CATSPER1: variants seen among roughly 807,000 people sequenced by gnomAD.
The protein encoded by CATSPER1 is cation channel sperm-associated protein 1.
Under a neutral mutation model 72.7 loss-of-function variants are expected in CATSPER1, and 57 were observed. That is an observed-to-expected ratio of 0.78 (90% CI 0.63 to 0.98). CATSPER1 has a LOEUF of 0.98. Ranked by LOEUF, CATSPER1 falls within the 50% of genes least tolerant of loss-of-function variation. The pLI, the probability that CATSPER1 is intolerant of heterozygous loss-of-function variation, is 0.00. For synonymous variants in CATSPER1, 363 were observed against 403.0 expected (o/e 0.90, Z 1.19); for missense variants, 910 against 1,033.9 (o/e 0.88, Z 1.64).
chr11:66,021,568 C>T lies in CATSPER1; in HGVS notation c.1619G>A (p.Ser540Asn), dbSNP rs1401256771. Residue 540 changes from serine (S) to asparagine (N), a missense_variant, in exon 4 of 12, where the codon AGC becomes AAC. By Grantham distance (46) the Ser-to-Asn change is conservative. Transcript: ENST00000312106. Reference protein sequence around the residue: ...QTHSFAIYHQSLFRILKVFKS... With the variant: ...QTHSFAIYHQNLFRILKVFKS... The stretch of plus-strand genomic sequence containing the variant: ...GAAGACCTTGAGGATCCGGAAGAGG[C>T]TTTGGTGGTAGATGGCGAAGGAGTG... 1.2e-6 allele frequency: 2 copies of T among 1,613,678 alleles called. No individual in the cohort carries two copies. The highest frequency in any genetic ancestry group is 8.5e-7 in the Non-Finnish European group (1 of 1,179,854).
At position 66,021,515 on chromosome 11, in the gene CATSPER1, G is replaced by T. The variant is rs200714710; in HGVS notation, c.1672C>A (p.Arg558=). The T allele has an allele frequency of 6.2e-7, 1 of 1,613,598 alleles. No homozygotes were observed. Among genetic ancestry groups the T allele is most frequent in the Non-Finnish European group, 8.5e-7 (1 of 1,179,994 alleles). The change falls in exon 4 of 12, where the codon CGG becomes AGG. Residue 558 remains arginine (R), a synonymous_variant. Transcript: ENST00000312106. ...FKSLRALRAI[R]VLRRLSFLTS... ...ACTGACCTGAGCCTCCGCAGGACCC[G>T]GATTGCCCTCAGGGCCCGCAGGCTC...
chr11:66,019,879 C>T (rs534997797), intron 9 of CATSPER1, among the ~76,000 whole-genome samples: 15 of 146,904 alleles, frequency 1.0e-4, no homozygotes, highest in African/African-American at 2.8e-4. Flanking sequence ...ATTGCAGCAC[C>T]GCACTCCAGC....
chr11:66,024,430 A>G (rs1395011556), intron 1 of CATSPER1, among the ~76,000 whole-genome samples: 1 of 150,994 alleles, frequency 6.6e-6, no homozygotes, highest in East Asian at 2.0e-4. Flanking sequence ...GGGGTGCACC[A>G]CCACGCCCAG....
In CATSPER1 at chr11:66,021,171, A is replaced by G. The variant is rs763320317; in HGVS notation, c.1706T>C (p.Val569Ala). ...GCCCAGGGTCCCTGTCACTTCCTGGACGCTGGTCAGGAAGCTGTGGGCAGA... is the reference window on the plus strand; with the variant it reads ...GCCCAGGGTCCCTGTCACTTCCTGGGCGCTGGTCAGGAAGCTGTGGGCAGA... ...VLRRLSFLTS[V>A]QEVTGTLGQS... Residue 569 changes from valine (V) to alanine (A), a missense_variant, in exon 5 of 12, where the codon GTC (valine) becomes GCC (alanine). Physicochemically the swap from Val to Ala is moderately conservative, Grantham distance 64 (BLOSUM62 0). Transcript: ENST00000312106. 1 of 1,612,888 alleles carries G rather than the reference A, an allele frequency of 6.2e-7. No homozygotes were observed. Among genetic ancestry groups the G allele is most frequent in the African/African-American group, 1.3e-5 (1 of 74,906 alleles).
In CATSPER1 at chr11:66,020,374, G is replaced by T; in HGVS notation, c.2007C>A (p.Val669=). Reference sequence around the variant, plus strand: ...GCGCCGTCTGGAAGCTATCCACCAGGACAGTAATCACCAGGCTGGGGAGAG... The same window carrying T: ...GCGCCGTCTGGAAGCTATCCACCAGTACAGTAATCACCAGGCTGGGGAGAG... ...YFIFLNLVIT[V]LVDSFQTALF... is the part of the protein sequence containing the mutation. The change falls in exon 8 of 12, where the codon GTC becomes GTA. Residue 669 remains valine, a synonymous_variant. Transcript: ENST00000312106. The surrounding 1 kb of genome is among the most constrained non-coding windows in gnomAD (Gnocchi z 4.5). The T allele has an allele frequency of 6.2e-7, 1 of 1,614,082 alleles. No individual in the cohort carries two copies. Among genetic ancestry groups the T allele is most frequent in the South Asian group, 1.1e-5 (1 of 91,088 alleles).
At chr11:66,018,639 C>T (rs1856287195) in intron 10 of CATSPER1, 188 bp downstream of exon 10, 1 of 628,306 alleles carries the variant, frequency 1.6e-6, no homozygotes, top group Non-Finnish European at 2.8e-6. Context: ...AGCCAGGTGG[C>T]ACACACACCT....
Position 66,020,576 on chromosome 11 carries a change from A to T in CATSPER1, c.1979T>A (p.Phe660Tyr), listed in dbSNP as rs1856340164. 1 of 1,611,960 alleles carries T rather than the reference A, an allele frequency of 6.2e-7. No homozygotes were observed. Among genetic ancestry groups the T allele is most frequent in the African/African-American group, 1.3e-5 (1 of 74,868 alleles). Reference sequence around the variant, plus strand: ...GGTGAGTCCTCACTTGAGGAAGATGAAGTACTGGATGATGATGTAAATTAC... The same window carrying T: ...GGTGAGTCCTCACTTGAGGAAGATGTAGTACTGGATGATGATGTAAATTAC... ...ILVIYIIIQY[F>Y]IFLNLVITVL... is the part of the protein sequence containing the mutation. The change falls in exon 7 of 12, where the codon TTC (phenylalanine) becomes TAC (tyrosine). Residue 660 changes from phenylalanine to tyrosine, a missense_variant. By Grantham distance (22) the Phe-to-Tyr change is conservative. Coordinates refer to ENST00000312106, the MANE Select transcript of CATSPER1 (RefSeq NM_053054.4). The surrounding 1 kb of genome is among the most constrained non-coding windows in gnomAD (Gnocchi z 4.5).
At position 66,020,617 on chromosome 11, in the gene CATSPER1, G is replaced by A. The variant is rs1856341184; in HGVS notation, c.1938C>T (p.Tyr646=). The change falls in exon 7 of 12, where the codon TAC becomes TAT. Residue 646 remains tyrosine (Y), a synonymous_variant. Coordinates refer to ENST00000312106, the MANE Select transcript of CATSPER1 (RefSeq NM_053054.4). The surrounding 1 kb of genome is among the most constrained non-coding windows in gnomAD (Gnocchi z 4.5). ...YMDSRAQGAW[Y]IIPILVIYII... Reference sequence around the variant, plus strand: ...TGTAAATTACGAGGATGGGAATGATGTACCAGGCGCCTAGGGGGAGCAGGC... The same window carrying A: ...TGTAAATTACGAGGATGGGAATGATATACCAGGCGCCTAGGGGGAGCAGGC... 6.2e-7 allele frequency: 1 copy of A among 1,612,356 alleles called. No homozygotes were observed. The highest frequency in any genetic ancestry group is 8.5e-7 in the Non-Finnish European group (1 of 1,179,442).
At chr11:66,021,741 G>T (rs779562251) in intron 3 of CATSPER1, 25 bp downstream of exon 3, 2 of 1,611,530 alleles carry the variant, frequency 1.2e-6, no homozygotes, top group African/African-American at 2.7e-5. Context: ...CTAAACACAC[G>T]CAGCCTGGCC....
chr11:66,022,846 T>TA lies in CATSPER1; in HGVS notation c.1429+2dup, dbSNP rs948827140. On this transcript the variant is annotated splice_region_variant and intron_variant, in intron 2 of 11. Coordinates refer to ENST00000312106, the MANE Select transcript of CATSPER1 (RefSeq NM_053054.4). Reference sequence around the variant, plus strand: ...CATGGGAACAGGACTCCCTGGCTCTTACCGCCCCGGATCTCGACTTCAGCG... The same window carrying TA: ...CATGGGAACAGGACTCCCTGGCTCTTAACCGCCCCGGATCTCGACTTCAGCG... 1.4e-5 allele frequency: 22 copies of TA among 1,614,178 alleles called. No homozygotes were observed. The Admixed American group carries it at 2.8e-4, about 21-fold the overall frequency.
Position 66,020,614 on chromosome 11 carries a change from G to T in CATSPER1, c.1941C>A (p.Ile647=). ...MDSRAQGAWY[I]IPILVIYIII... ...TGATGTAAATTACGAGGATGGGAAT[G>T]ATGTACCAGGCGCCTAGGGGGAGCA... Residue 647 remains isoleucine (I), a synonymous_variant, in exon 7 of 12, where the codon ATC becomes ATA. Transcript: ENST00000312106. This position sits in a 1 kb window ranked among gnomAD's most constrained non-coding sequence, Gnocchi z 4.5. The T allele has an allele frequency of 6.2e-7, 1 of 1,612,412 alleles. No individual in the cohort carries two copies. Among genetic ancestry groups the T allele is most frequent in the Non-Finnish European group, 8.5e-7 (1 of 1,179,470 alleles).
In CATSPER1 at chr11:66,021,097, G is replaced by A. The variant is rs1350907050; in HGVS notation, c.1780C>T (p.Leu594Phe). ...AGCCCCTGCAGCACCAGGATACAGAGGCAGGTAAACATGAGGATGAGGATG... is the reference window on the plus strand; with the variant it reads ...AGCCCCTGCAGCACCAGGATACAGAAGCAGGTAAACATGAGGATGAGGATG... ...AAILILMFTCLFLFSAVLRAL... is the reference protein window; with the variant it reads ...AAILILMFTCFFLFSAVLRAL... The change falls in exon 5 of 12, where the codon CTC becomes TTC. Residue 594 changes from leucine to phenylalanine, a missense_variant. Physicochemically the swap from Leu to Phe is conservative, Grantham distance 22. Transcript: ENST00000312106. 6.2e-7 allele frequency: 1 copy of A among 1,612,432 alleles called. No individual in the cohort carries two copies. The highest frequency in any genetic ancestry group is 1.1e-5 in the South Asian group (1 of 90,752).
At position 66,025,627 on chromosome 11, in the gene CATSPER1, G is replaced by A. The variant is rs1181039238; in HGVS notation, c.753C>T (p.Ser251=). ...PHHGETISPH[S]SVGSYQRGIS... ...TCCCACGCTGGTAGGACCCCACAGA[G>A]GAATGAGGGGAAATGGTCTCTCCGT... The change falls in exon 1 of 12, where the codon TCC becomes TCT. Residue 251 remains serine, a synonymous_variant. Transcript: ENST00000312106. 21 of 1,613,276 alleles carry A rather than the reference G, an allele frequency of 1.3e-5. No homozygotes were observed. Among genetic ancestry groups the A allele is most frequent in the Non-Finnish European group, 1.8e-5 (21 of 1,179,720 alleles).
chr11:66,020,194 C>A lies in CATSPER1; in HGVS notation c.2071G>T (p.Ala691Ser), dbSNP rs369285455. 13 of 1,613,750 alleles carry A rather than the reference C, an allele frequency of 8.1e-6. No homozygotes were observed. The East Asian group carries it at 8.9e-5, about 11-fold the overall frequency. Residue 691 changes from alanine to serine, a missense_variant, in exon 9 of 12, where the codon GCC becomes TCC. By Grantham distance (99) the Ala-to-Ser change is moderately conservative. Coordinates refer to ENST00000312106, the MANE Select transcript of CATSPER1 (RefSeq NM_053054.4). This position sits in a 1 kb window ranked among gnomAD's most constrained non-coding sequence, Gnocchi z 4.5. ...TCCAGCAGCTTCTCTTGGATCCGGG[C>A]GGCCCTCTGGGAAGAAGAGGCCTCA... ...GLEKAKQERAARIQEKLLEDS... is the reference protein window; with the variant it reads ...GLEKAKQERASRIQEKLLEDS...
At chr11:66,023,663 A>G (rs1856427965) in intron 1 of CATSPER1, among the ~76,000 whole-genome samples, 1 of 151,696 alleles carries the variant, frequency 6.6e-6, no homozygotes, top group Non-Finnish European at 1.5e-5. Context: ...TGGCCAGCAA[A>G]TCCCCAACAG....
chr11:66,020,830 G>T lies in CATSPER1; in HGVS notation c.1908C>A (p.Tyr636Ter). The T allele has an allele frequency of 1.2e-6, 2 of 1,613,888 alleles. No individual in the cohort carries two copies. The highest frequency in any genetic ancestry group is 1.7e-6 in the Non-Finnish European group (2 of 1,180,022). The change falls in exon 6 of 12, where the codon TAC (tyrosine) becomes TAA (stop). Residue 636 changes from tyrosine (Y) to a stop codon, truncating the protein, a stop_gained. Transcript: ENST00000312106. LOFTEE classifies it high-confidence loss of function. This position sits in a 1 kb window ranked among gnomAD's most constrained non-coding sequence, Gnocchi z 4.5. ...CCCTACCCTGGGCACGGCTGTCCATGTAGATGAGGGACCAGTCATCCAGCG... is the reference window on the plus strand; with the variant it reads ...CCCTACCCTGGGCACGGCTGTCCATTTAGATGAGGGACCAGTCATCCAGCG... ...LLTLDDWSLI[Y>*]MDSRAQGAWY...
chr11:66,018,742 A>G lies in CATSPER1; in HGVS notation c.2201+85T>C. The G allele has an allele frequency of 2.1e-6, 3 of 1,413,902 alleles. No homozygotes were observed. In the South Asian group the frequency reaches 3.5e-5, roughly 16 times the overall value. The allele number at this position is 1,413,902 out of a possible 1,614,324, so 87.6% of individuals were successfully genotyped here. A position where few individuals can be genotyped will look rare whatever the true frequency, so the allele number is the denominator to read the frequency against. Reference sequence around the variant, plus strand: ...TCCATCCCCTTCTAGAGGGGCAGGCAATGTCCCTTTCCCTCCAGCCCTCCA... The same window carrying G: ...TCCATCCCCTTCTAGAGGGGCAGGCGATGTCCCTTTCCCTCCAGCCCTCCA... On this transcript the variant is annotated intron_variant, in intron 10 of 11. Transcript: ENST00000312106.
rs1366307695 is a variant in CATSPER1, at chr11:66,022,699, T to C, written c.1429+150A>G. The C allele has an allele frequency of 3.3e-5, 24 of 725,380 alleles. 1 individual carries two copies. The East Asian group carries it at 6.2e-4, about 19-fold the overall frequency. 44.9% of individuals were successfully genotyped at this position (725,380 alleles called of 1,614,324 possible). A position where few individuals can be genotyped will look rare whatever the true frequency, so the allele number is the denominator to read the frequency against. On this transcript the variant is annotated intron_variant, in intron 2 of 11. Coordinates refer to ENST00000312106, the MANE Select transcript of CATSPER1 (RefSeq NM_053054.4). Reference sequence around the variant, plus strand: ...CCTCAGCGGGGTCTTTCTGAGACGCTCTCTAATACTGGGTAAGGCCATCTA... The same window carrying C: ...CCTCAGCGGGGTCTTTCTGAGACGCCCTCTAATACTGGGTAAGGCCATCTA...
At chr11:66,017,544 C>T (rs930105183) in intron 10 of CATSPER1, among the ~76,000 whole-genome samples, 1 of 151,792 alleles carries the variant, frequency 6.6e-6, no homozygotes, top group African/African-American at 2.4e-5. Context: ...CCCCTCCACC[C>T]ACCTGCTCTT....
Sources: gnomAD v4.1 joint callset for allele counts (sites outside exome capture counted in the v4.1 genomes callset) on GRCh38, gnomAD v4.1.1 for gene constraint, Gnocchi (gnomAD v3.1) non-coding constraint, MANE v1.5 for transcripts, NCBI Gene and HGNC (gene_info 2026-07-23, HGNC 2026-07-21) for gene names.